The following LIN7A variants were observed in gnomAD, a reference collection of about 807,000 sequenced individuals.
The protein encoded by LIN7A is lin-7 cell polarity scaffold A.
LIN7A carries 25 observed loss-of-function variants against 29.8 expected under a neutral mutation model. That is an observed-to-expected ratio of 0.84 (90% CI 0.61 to 1.17). LIN7A has a LOEUF of 1.17. Among genes scored for constraint, LIN7A ranks in the 50% most tolerant of loss-of-function variants. The probability of loss-of-function intolerance (pLI) is 0.00; values close to 1 mark genes in which losing one functional copy is unlikely to be tolerated. For missense variants in LIN7A, 239 were observed against 287.0 expected (o/e 0.83, Z 1.21); for synonymous variants, 118 against 107.5 (o/e 1.10, Z -0.60).
At chr12:80,833,975 C>A (rs1050426437) in intron 4 of LIN7A, among the ~76,000 whole-genome samples, 1 of 152,156 alleles carries the variant, frequency 6.6e-6, no homozygotes, top group African/African-American at 2.4e-5. Flanking sequence ...CTTATCTAAT[C>A]TCCTTCTGGA....
At chr12:80,817,043 C>T (rs1052871191) in intron 4 of LIN7A, among the ~76,000 whole-genome samples, 6 of 152,170 alleles carry the variant, frequency 3.9e-5, no homozygotes, top group African/African-American at 1.4e-4. Flanking sequence ...GCTGGGTTTA[C>T]AGGAATGAGC....
At chr12:80,920,814 A>G (rs1373776614) in intron 1 of LIN7A, among the ~76,000 whole-genome samples, 1 of 152,202 alleles carries the variant, frequency 6.6e-6, no homozygotes, top group Non-Finnish European at 1.5e-5. Flanking sequence ...TAAGGCAGAG[A>G]AGAAAAATAA....
intron 2 of LIN7A, among the ~76,000 whole-genome samples, chr12:80,857,773 C>T (rs375846218): frequency 3.6e-4 from 55 of 152,256 alleles, no homozygotes; most frequent in African/African-American, 1.3e-3. Context: ...GGATTTTGGA[C>T]ACAGTGATGG....
In LIN7A at chr12:80,878,621, G is replaced by C. The variant is rs1874849832; in HGVS notation, c.201+10630C>G. On this transcript the variant is annotated intron_variant, in intron 2 of 5. Coordinates refer to ENST00000552864, the MANE Select transcript of LIN7A (RefSeq NM_004664.4). ...GTACGGAAAGAGATCTGAGCGGGTT[G>C]CTGCTGTTGGCGGACGTGGCCAGCT... 4.6e-5 allele frequency among the ~76,000 whole-genome samples: 7 copies of C among 152,214 alleles called. 1 individual carries two copies. The highest frequency in any genetic ancestry group is 4.6e-4 in the Admixed American group (7 of 15,288).
At chr12:80,864,334 AAAG>A (rs1874029793) in intron 2 of LIN7A, among the ~76,000 whole-genome samples, 1 of 152,182 alleles carries the variant, frequency 6.6e-6, no homozygotes, top group Non-Finnish European at 1.5e-5. Context: ...TGAGAAAAAA[AAAG>A]AAATGAATCA....
At chr12:80,810,272 T>C (rs1178598714) in intron 5 of LIN7A, among the ~76,000 whole-genome samples, 2 of 152,220 alleles carry the variant, frequency 1.3e-5, no homozygotes, top group Non-Finnish European at 2.9e-5. Flanking sequence ...GGTGAGATCA[T>C]GTGGTATTTG....
At chr12:80,922,459 A>G (rs7306751) in intron 1 of LIN7A, among the ~76,000 whole-genome samples, 49,150 of 152,030 alleles carry the variant, frequency 0.32, 10,559 homozygotes, top group African/African-American at 0.59. Flanking sequence ...TTGTGAGCCT[A>G]TCAAAATTCC....
intron 2 of LIN7A, among the ~76,000 whole-genome samples, chr12:80,865,425 A>C (rs1293319728): frequency 6.6e-6 from 1 of 152,200 alleles, no homozygotes; most frequent in East Asian, 1.9e-4. Flanking sequence ...TCTTACTTAA[A>C]GATGAAGTAG....
At chr12:80,807,063 G>GTTTTTTTTTTGTTTT (rs1871029199) in intron 5 of LIN7A, among the ~76,000 whole-genome samples, 17 of 53,588 alleles carry the variant, frequency 3.2e-4, no homozygotes, top group African/African-American at 9.5e-4. Flanking sequence ...TGAAGATGGA[G>GTTTTTTTTTTGTTTT]TTTTTTTTTT....
At chr12:80,878,917 C>T (rs1451566284) in intron 2 of LIN7A, among the ~76,000 whole-genome samples, 2 of 152,158 alleles carry the variant, frequency 1.3e-5, no homozygotes, top group African/African-American at 2.4e-5. Context: ...TTACAATCCT[C>T]TTGTAAGACA....
chr12:80,824,358 C>T (rs1871956743), intron 4 of LIN7A, among the ~76,000 whole-genome samples: 1 of 151,714 alleles, frequency 6.6e-6, no homozygotes, highest in Admixed American at 6.6e-5. Context: ...AGCAGTAAGA[C>T]AGAAATGGTA....
intron 5 of LIN7A, among the ~76,000 whole-genome samples, chr12:80,800,265 G>A (rs868085254): frequency 3.3e-5 from 5 of 151,982 alleles, no homozygotes; most frequent in African/African-American, 7.2e-5. Context: ...CGAGGCTGGC[G>A]GATCATCTGA....
chr12:80,833,805 A>C (rs1349075915), intron 4 of LIN7A, among the ~76,000 whole-genome samples: 1 of 152,196 alleles, frequency 6.6e-6, no homozygotes, highest in East Asian at 1.9e-4. Context: ...TATTATATAT[A>C]CCATTTCCTC....
At chr12:80,821,359 A>T (rs1871798572) in intron 4 of LIN7A, among the ~76,000 whole-genome samples, 1 of 152,172 alleles carries the variant, frequency 6.6e-6, no homozygotes, top group Admixed American at 6.5e-5. Flanking sequence ...GATGTTGCAC[A>T]TGTGCACAGT....
chr12:80,927,252 T>C (rs560840988), intron 1 of LIN7A, among the ~76,000 whole-genome samples: 77 of 146,958 alleles, frequency 5.2e-4, no homozygotes, highest in African/African-American at 1.7e-3. Flanking sequence ...AGCTCCGCCT[T>C]CCGGCTTCAG....
intron 4 of LIN7A, among the ~76,000 whole-genome samples, chr12:80,819,494 G>C (rs1398738138): frequency 2.0e-5 from 3 of 152,184 alleles, no homozygotes. Flanking sequence ...CCACCAGACT[G>C]TCCAAGAGCA....
intron 2 of LIN7A, among the ~76,000 whole-genome samples, chr12:80,878,600 G>T (rs920432512): frequency 6.6e-6 from 1 of 152,178 alleles, no homozygotes; most frequent in African/African-American, 2.4e-5. Context: ...TCCACAGTAC[G>T]GAAAGAGATC....
intron 4 of LIN7A, among the ~76,000 whole-genome samples, chr12:80,835,491 T>G (rs974235859): frequency 2.0e-5 from 3 of 152,152 alleles, no homozygotes; most frequent in Non-Finnish European, 4.4e-5. Flanking sequence ...GGACTTTTAT[T>G]GTCTCTTGAA....
At chr12:80,819,219 G>T (rs1565888984) in intron 4 of LIN7A, among the ~76,000 whole-genome samples, 1 of 152,040 alleles carries the variant, frequency 6.6e-6, no homozygotes, top group Admixed American at 6.6e-5. Flanking sequence ...TCCTAAATAT[G>T]TATGCACAGT....
Sources: gnomAD v4.1 joint callset for allele counts (sites outside exome capture counted in the v4.1 genomes callset) on GRCh38, gnomAD v4.1.1 for gene constraint, MANE v1.5 for transcripts, NCBI Gene and HGNC (gene_info 2026-07-23, HGNC 2026-07-21) for gene names.